The following RHOBTB2 variants were observed in gnomAD, a reference collection of about 807,000 sequenced individuals.
The protein encoded by RHOBTB2 is Rho related BTB domain containing 2.
In RHOBTB2, 39 loss-of-function variants were observed where a neutral mutation model predicts 66.5. The observed-to-expected ratio is 0.59, with a 90% confidence interval of 0.45 to 0.77. The LOEUF is 0.77. Ranked by LOEUF, RHOBTB2 falls within the 30% of genes least tolerant of loss-of-function variation. RHOBTB2 has a pLI of 0.00. For synonymous variants in RHOBTB2, 390 were observed against 395.0 expected (o/e 0.99, Z 0.15); for missense variants, 755 against 999.1 (o/e 0.76, Z 3.29).
At chr8:22,986,185 T>C (rs983655147), upstream of RHOBTB2, among the ~76,000 whole-genome samples, 1 of 150,666 alleles carries the variant, frequency 6.6e-6, no homozygotes, top group African/African-American at 2.5e-5. Context: ...ATTTAACTGA[T>C]GAGGCACTTG....
chr8:22,968,450 T>TGAATTCATAAG, the RHOBTB2 span, among the ~76,000 whole-genome samples: 1 of 152,172 alleles, frequency 6.6e-6, no homozygotes, highest in East Asian at 1.9e-4. Context: ...GTTTTCCTTA[T>TGAATTCATAAG]GAATTCATAA....
chr8:22,979,991 C>A, the RHOBTB2 span, among the ~76,000 whole-genome samples: 2 of 151,966 alleles, frequency 1.3e-5, no homozygotes, highest in African/African-American at 4.8e-5. Context: ...ATCTATTGAC[C>A]TCGTGATCCA....
At chr8:22,997,161 C>G (rs1203090509), upstream of RHOBTB2, among the ~76,000 whole-genome samples, 2 of 152,030 alleles carry the variant, frequency 1.3e-5, no homozygotes, top group Non-Finnish European at 2.9e-5. Context: ...CCCAGACGGC[C>G]TAGGGTGGGA....
chr8:23,000,195 C>G (rs1171256644), intron 1 of RHOBTB2, 90 bp downstream of exon 1: 1 of 896,358 alleles, frequency 1.1e-6, no homozygotes. Context: ...CCGCGCCCCT[C>G]GCTACGTTCC....
At position 23,015,746 on chromosome 8, in the gene RHOBTB2, G is replaced by A; in HGVS notation, c.1966+3G>A. The A allele has an allele frequency of 1.9e-6, 3 of 1,601,644 alleles. No individual in the cohort carries two copies. Among genetic ancestry groups the A allele is most frequent in the Non-Finnish European group, 2.6e-6 (3 of 1,169,284 alleles). On this transcript the variant is annotated splice_donor_region_variant and intron_variant, in intron 9 of 9. Transcript: ENST00000251822. ...AGACATGAAGGCCATGTCCCCAGGT[G>A]AGCATCGGGGCCAGTCCTGGCAGTA... is the stretch of plus-strand genomic sequence containing the variant.
chr8:22,999,895 C>T lies in RHOBTB2; in HGVS notation c.-221C>T, dbSNP rs1378176756. ...TGCAGTGCAGCGCGCGCGTCCGCTC[C>T]TGGGCCCACGTCCGGCCTGGGCTGC... On this transcript the variant is annotated 5_prime_UTR_variant, in exon 1 of 10. Coordinates refer to ENST00000251822, the MANE Select transcript of RHOBTB2 (RefSeq NM_015178.3). 3.0e-6 allele frequency: 3 copies of T among 985,144 alleles called. No homozygotes were observed. Among genetic ancestry groups the T allele is most frequent in the Middle Eastern group, 5.2e-4 (1 of 1,934 alleles). 61.0% of individuals were successfully genotyped at this position (985,144 alleles called of 1,614,324 possible).
chr8:22,993,425 C>T (rs1810472022), intron 2 of RHOBTB2, among the ~76,000 whole-genome samples: 1 of 152,144 alleles, frequency 6.6e-6, no homozygotes, highest in South Asian at 2.1e-4. Flanking sequence ...TGGGAGGTGG[C>T]TCCCCCTTTA....
the RHOBTB2 span, among the ~76,000 whole-genome samples, chr8:22,951,119 C>T: frequency 6.6e-6 from 1 of 152,132 alleles, no homozygotes; most frequent in South Asian, 2.1e-4. Flanking sequence ...AGTACTGTAA[C>T]ATAGCCTATC....
chr8:22,959,702 T>C, the RHOBTB2 span, among the ~76,000 whole-genome samples: 2 of 152,124 alleles, frequency 1.3e-5, no homozygotes, highest in Non-Finnish European at 2.9e-5. Flanking sequence ...ACCACCAAAA[T>C]CTCATGGTCC....
chr8:22,969,960 C>G, the RHOBTB2 span, among the ~76,000 whole-genome samples: 2 of 152,098 alleles, frequency 1.3e-5, no homozygotes, highest in African/African-American at 4.8e-5. Context: ...ACATGTTGCC[C>G]AGGCTGGTCT....
chr8:22,959,729 A>C, the RHOBTB2 span, among the ~76,000 whole-genome samples: 3 of 151,956 alleles, frequency 2.0e-5, no homozygotes, highest in African/African-American at 7.3e-5. Context: ...GCTCTGCTCT[A>C]CCCCCTGTGG....
chr8:22,967,533 A>C, the RHOBTB2 span, among the ~76,000 whole-genome samples: 1 of 145,256 alleles, frequency 6.9e-6, no homozygotes, highest in African/African-American at 2.5e-5. Flanking sequence ...AATCGCTTGA[A>C]CCCAGGAGGC....
In RHOBTB2 at chr8:23,018,851, G is replaced by T. The variant is rs889565195; in HGVS notation, c.*1382G>T. ...CACAGCCTTATTACTGCTGGGGTGG[G>T]ATAAGGGGAAGGAGAAGAGGGAGAA... On this transcript the variant is annotated 3_prime_UTR_variant, in exon 10 of 10. Coordinates refer to ENST00000251822, the MANE Select transcript of RHOBTB2 (RefSeq NM_015178.3). 5.2e-5 allele frequency: 8 copies of T among 153,028 alleles called. No homozygotes were observed. Among genetic ancestry groups the T allele is most frequent in the Admixed American group, 3.3e-4 (5 of 15,292 alleles). 9.5% of individuals were successfully genotyped at this position (153,028 alleles called of 1,614,324 possible).
intron 7 of RHOBTB2, among the ~76,000 whole-genome samples, chr8:23,014,206 A>T (rs1811224582): frequency 6.6e-6 from 1 of 152,244 alleles, no homozygotes; most frequent in Non-Finnish European, 1.5e-5. Context: ...AAGGGTGTTT[A>T]CTTCTTCAAT....
At chr8:23,008,308 C>T (rs530833218) in intron 6 of RHOBTB2, among the ~76,000 whole-genome samples, 197 bp downstream of exon 6, 1 of 152,158 alleles carries the variant, frequency 6.6e-6, no homozygotes, top group East Asian at 1.9e-4. Context: ...ACACTGACAC[C>T]TCAACTTGAG....
At chr8:22,989,857 G>A (rs1241762331) in intron 1 of RHOBTB2, among the ~76,000 whole-genome samples, 1 of 152,218 alleles carries the variant, frequency 6.6e-6, no homozygotes, top group Non-Finnish European at 1.5e-5. Flanking sequence ...AAGAGGCTCT[G>A]AGCCAGACGC....
At chr8:23,003,854 A>G (rs1245804066) in intron 1 of RHOBTB2, among the ~76,000 whole-genome samples, 1 of 152,218 alleles carries the variant, frequency 6.6e-6, no homozygotes, top group Non-Finnish European at 1.5e-5. Flanking sequence ...TGAAGCATGC[A>G]CTTAGGCAGG....
the RHOBTB2 span, among the ~76,000 whole-genome samples, chr8:22,980,549 GA>G: frequency 6.6e-6 from 1 of 152,146 alleles, no homozygotes; most frequent in African/African-American, 2.4e-5. Flanking sequence ...GATAAACAGT[GA>G]AAAACTTGTG....
Position 23,015,746 on chromosome 8 carries a change from G to C in RHOBTB2, c.1966+3G>C. The C allele has an allele frequency of 6.2e-7, 1 of 1,601,646 alleles. No individual in the cohort carries two copies. Among genetic ancestry groups the C allele is most frequent in the Non-Finnish European group, 8.6e-7 (1 of 1,169,286 alleles). On this transcript the variant is annotated splice_donor_region_variant and intron_variant, in intron 9 of 9. Transcript: ENST00000251822. Reference sequence around the variant, plus strand: ...AGACATGAAGGCCATGTCCCCAGGTGAGCATCGGGGCCAGTCCTGGCAGTA... The same window carrying C: ...AGACATGAAGGCCATGTCCCCAGGTCAGCATCGGGGCCAGTCCTGGCAGTA...
Sources: gnomAD v4.1 joint callset for allele counts (sites outside exome capture counted in the v4.1 genomes callset) on GRCh38, gnomAD v4.1.1 for gene constraint, MANE v1.5 for transcripts, NCBI Gene and HGNC (gene_info 2026-07-23, HGNC 2026-07-21) for gene names.